Variants in FGF14 observed in about 807,000 individuals in gnomAD.
FGF14 encodes the protein fibroblast growth factor homologous factor 4.
Under a neutral mutation model 25.5 loss-of-function variants are expected in FGF14, and 5 were observed. The observed-to-expected ratio is 0.20, with a 90% CI of 0.10 to 0.41. FGF14 has a LOEUF of 0.41. FGF14 is among the 10% of genes least tolerant of loss of function. The pLI is 1.00. For missense variants in FGF14, 222 were observed against 320.1 expected, an observed-to-expected ratio of 0.69 and a Z score of 2.34; for synonymous variants, 138 against 118.3, an observed-to-expected ratio of 1.17 and a Z score of -1.08.
At chr13:101,966,223 G>A (rs994645461) in intron 1 of FGF14, among the ~76,000 whole-genome samples, 2 of 152,084 alleles carry the variant, frequency 1.3e-5, no homozygotes, top group African/African-American at 4.8e-5. Flanking sequence ...CCATATAACT[G>A]GTGTTCTTAT....
intron 1 of FGF14, chr13:102,367,462 TCA>T (rs970946678): frequency 4.6e-5 from 7 of 152,282 alleles, no homozygotes; most frequent in African/African-American, 1.2e-4. Context: ...GTCCCAGAAG[TCA>T]CACTTTGTCC....
intron 1 of FGF14, among the ~76,000 whole-genome samples, chr13:102,360,418 T>G (rs1179504853): frequency 6.6e-6 from 1 of 152,136 alleles, no homozygotes; most frequent in African/African-American, 2.4e-5. Flanking sequence ...GGCAGCATCG[T>G]GACTGAAAAT....
chr13:101,859,574 T>C (rs2044302533), intron 3 of FGF14, among the ~76,000 whole-genome samples: 1 of 152,194 alleles, frequency 6.6e-6, no homozygotes, highest in Non-Finnish European at 1.5e-5. Context: ...CTCCTCAGCA[T>C]ATATTTAAGT....
intron 3 of FGF14, among the ~76,000 whole-genome samples, chr13:101,862,404 A>T (rs1162138808): frequency 1.3e-5 from 2 of 151,612 alleles, no homozygotes; most frequent in Non-Finnish European, 2.9e-5. Context: ...TATCCACTCC[A>T]ATGTCTCTCT....
In FGF14 at chr13:102,359,181, G is replaced by A. The variant is rs551881309; in HGVS notation, c.208+42290C>T. The stretch of plus-strand genomic sequence containing the variant: ...TGGGACCTGTCAGTGGGGGTGGGGG[G>A]AAGGAGATCATCAAGATAAATAGCT... On this transcript the variant is annotated intron_variant, in intron 1 of 4. Coordinates refer to the FGF14 transcript ENST00000376131. Among the ~76,000 whole-genome samples the A allele has an allele frequency of 2.6e-5, 4 of 152,122 alleles. No individual in the cohort carries two copies. The South Asian group carries it at 8.3e-4, about 32-fold the overall frequency.
intron 1 of FGF14, among the ~76,000 whole-genome samples, chr13:101,905,599 G>A (rs945812357): frequency 9.2e-5 from 14 of 152,080 alleles, no homozygotes; most frequent in African/African-American, 3.4e-4. Flanking sequence ...AATACCTAAT[G>A]TAGATGACAG....
At chr13:101,775,793 G>T (rs2039068452) in intron 3 of FGF14, among the ~76,000 whole-genome samples, 1 of 152,096 alleles carries the variant, frequency 6.6e-6, no homozygotes, top group Admixed American at 6.6e-5. Context: ...GCTTTCATTT[G>T]ATATTAATAG....
chr13:102,161,641 A>AG (rs1566765011), intron 1 of FGF14, among the ~76,000 whole-genome samples: 6 of 14,692 alleles, frequency 4.1e-4, no homozygotes, highest in Admixed American at 1.1e-3. Context: ...GAAGAAGAAG[A>AG]AGAAGAAGAA....
chr13:101,790,561 G>C (rs1447244910), intron 3 of FGF14, among the ~76,000 whole-genome samples: 1 of 152,032 alleles, frequency 6.6e-6, no homozygotes, highest in Non-Finnish European at 1.5e-5. Flanking sequence ...ATCTATGTGT[G>C]TCCCATCATT....
rs999726333 is a variant in FGF14, at chr13:101,719,299, T to C, written c.*3532A>G. The C allele has an allele frequency of 6.6e-6, 1 of 152,210 alleles. No individual in the cohort carries two copies. Among genetic ancestry groups the C allele is most frequent in the South Asian group, 2.1e-4 (1 of 4,822 alleles). The allele number at this position is 152,210 out of a possible 1,614,324, so 9.4% of individuals were successfully genotyped here. On this transcript the variant is annotated 3_prime_UTR_variant, in exon 5 of 5. Transcript: ENST00000376143. ...CATTAATTAAGCAAGTGGCTAGGTA[T>C]GATAAAGAACTTCTGCTTGCTCCCC... is the stretch of plus-strand genomic sequence containing the variant.
At chr13:102,366,664 C>A (rs1412823575) in intron 1 of FGF14, 2 of 143,630 alleles carry the variant, frequency 1.4e-5, no homozygotes, top group African/African-American at 5.1e-5. Context: ...TAGATTCTGT[C>A]TTCCTCCTGA....
At chr13:101,989,259 A>T (rs2038766823) in intron 1 of FGF14, among the ~76,000 whole-genome samples, 1 of 152,088 alleles carries the variant, frequency 6.6e-6, no homozygotes, top group South Asian at 2.1e-4. Flanking sequence ...AATTATAAAA[A>T]GTTACAATTT....
chr13:101,958,986 G>A (rs532672666), intron 1 of FGF14, among the ~76,000 whole-genome samples: 15 of 152,272 alleles, frequency 9.9e-5, no homozygotes, highest in Admixed American at 4.6e-4. Context: ...CTCTCTGACA[G>A]CATTCAGAAC....
intron 1 of FGF14, among the ~76,000 whole-genome samples, chr13:102,143,001 C>G (rs886510057): frequency 1.3e-5 from 2 of 152,166 alleles, no homozygotes; most frequent in Non-Finnish European, 2.9e-5. Context: ...ATCCTGTTTC[C>G]TTTCCTGCTT....
intron 3 of FGF14, among the ~76,000 whole-genome samples, chr13:101,853,402 T>A (rs1341525046): frequency 6.6e-6 from 1 of 152,054 alleles, no homozygotes; most frequent in Admixed American, 6.6e-5. Context: ...AATATACATA[T>A]CTGATAAATC....
chr13:102,059,724 G>T (rs955115566), intron 1 of FGF14, among the ~76,000 whole-genome samples: 2 of 152,030 alleles, frequency 1.3e-5, no homozygotes, highest in Non-Finnish European at 2.9e-5. Flanking sequence ...GGTTCTGCAC[G>T]CCTGTAGCCC....
chr13:102,093,626 A>G (rs932675199), intron 1 of FGF14, among the ~76,000 whole-genome samples: 2 of 152,218 alleles, frequency 1.3e-5, no homozygotes, highest in Non-Finnish European at 2.9e-5. Flanking sequence ...ATGCAATAGC[A>G]TAAACCTTGA....
intron 1 of FGF14, among the ~76,000 whole-genome samples, chr13:102,185,746 C>T (rs1017526852): frequency 6.6e-6 from 1 of 152,160 alleles, no homozygotes; most frequent in Non-Finnish European, 1.5e-5. Context: ...GATGGATCCA[C>T]CAGATTTATG....
intron 1 of FGF14, among the ~76,000 whole-genome samples, chr13:102,247,723 G>A (rs529441015): frequency 1.3e-5 from 2 of 152,262 alleles, no homozygotes; most frequent in Non-Finnish European, 2.9e-5. Context: ...ATTCAACTCA[G>A]CAATCTCATT....
Sources: allele counts gnomAD v4.1 joint callset (sites outside exome capture counted in the v4.1 genomes callset), GRCh38; gene constraint gnomAD v4.1.1; transcripts MANE v1.5; gene names NCBI Gene and HGNC (gene_info 2026-07-23, HGNC 2026-07-21).